MET: variants seen among roughly 807,000 people sequenced by gnomAD.
MET encodes the protein hepatocyte growth factor receptor.
MET carries 48 observed loss-of-function variants against 133.1 expected under a neutral mutation model. That is an observed-to-expected ratio of 0.36 (90% CI 0.29 to 0.46). The LOEUF is 0.46. MET is among the 20% of genes least tolerant of loss of function. The probability of loss-of-function intolerance (pLI) is 1.00; values close to 1 mark genes in which losing one functional copy is unlikely to be tolerated. For synonymous variants in MET, 628 were observed against 616.5 expected (o/e 1.02, Z -0.28); for missense variants, 1,442 against 1,695.9 (o/e 0.85, Z 2.63).
chr7:116,783,165 A>G lies in MET; in HGVS notation c.3633-139A>G, dbSNP rs191438754. ...ATTCTGTTGTAATTTAGTGTTAGTC[A>G]ATAGAGGCCAGATGAAATACTTCCT... On this transcript the variant is annotated intron_variant, in intron 18 of 20. Transcript: ENST00000397752. 1.2e-5 allele frequency: 11 copies of G among 937,578 alleles called. No individual in the cohort carries two copies. The Admixed American group carries it at 2.1e-4, about 18-fold the overall frequency. The allele number at this position is 937,578 out of a possible 1,614,324, so 58.1% of individuals were successfully genotyped here. A position where few individuals can be genotyped will look rare whatever the true frequency, so the allele number is the denominator to read the frequency against.
intron 15 of MET, among the ~76,000 whole-genome samples, chr7:116,775,546 A>C (rs1794967461): frequency 6.6e-6 from 1 of 152,112 alleles, no homozygotes; most frequent in Admixed American, 6.5e-5. Context: ...TCTACTAAAA[A>C]AATACAAAAA....
rs556702600 is a variant in MET at position 116,739,476 on chromosome 7, G to A, written c.1393-474G>A. Among the ~76,000 whole-genome samples the A allele has an allele frequency of 2.0e-5, 3 of 152,314 alleles. No homozygotes were observed. The East Asian group carries it at 5.8e-4, about 29-fold the overall frequency. On this transcript the variant is annotated intron_variant, in intron 3 of 20. Transcript: ENST00000397752. ...AAAGATCTATAAATGTGGCTTAAGA[G>A]TAGCACAGCTGGAACTAGCTCCAGT...
intron 19 of MET, among the ~76,000 whole-genome samples, chr7:116,785,985 G>A (rs1005299629): frequency 1.3e-5 from 2 of 152,238 alleles, no homozygotes; most frequent in Non-Finnish European, 2.9e-5. Flanking sequence ...TCTGCAACTT[G>A]TAAAAAATGT....
At chr7:116,763,778 A>G (rs1794503813) in intron 11 of MET, among the ~76,000 whole-genome samples, 1 of 152,232 alleles carries the variant, frequency 6.6e-6, no homozygotes, top group South Asian at 2.1e-4. Flanking sequence ...ATAGAGAATA[A>G]CAGATCATCT....
At chr7:116,791,681 T>A (rs1795501357) in intron 19 of MET, among the ~76,000 whole-genome samples, 1 of 152,222 alleles carries the variant, frequency 6.6e-6, no homozygotes, top group South Asian at 2.1e-4. Context: ...TTTTTTTCTT[T>A]TGGGACGAAG....
At position 116,734,350 on chromosome 7, in the gene MET, G is replaced by A. The variant is rs766678471; in HGVS notation, c.1392+2491G>A. ...AATTTTTTTCTCCCAAGAGTTTGCA[G>A]CTGTTTCTGTCTTTCCTATTGTGCT... On this transcript the variant is annotated intron_variant, in intron 3 of 20. Transcript: ENST00000397752. 3.3e-5 allele frequency among the ~76,000 whole-genome samples: 5 copies of A among 152,322 alleles called. 1 individual carries two copies. The highest frequency in any genetic ancestry group is 2.1e-4 in the South Asian group (1 of 4,832).
rs981664259 is a variant in MET at position 116,777,344 on chromosome 7, A to G, written c.3260-45A>G. 3.5e-6 allele frequency: 5 copies of G among 1,435,352 alleles called. No homozygotes were observed. In the East Asian group the frequency reaches 6.8e-5, roughly 20 times the overall value. The allele number at this position is 1,435,352 out of a possible 1,614,324, so 88.9% of individuals were successfully genotyped here. A position where few individuals can be genotyped will look rare whatever the true frequency, so the allele number is the denominator to read the frequency against. On this transcript the variant is annotated intron_variant, in intron 15 of 20. Transcript: ENST00000397752. ...AGGGTTTGATAAATAATTATTTCAT[A>G]ATTAAATGTTACGCAGTGCTAACCA...
At chr7:116,691,709 C>G (rs1473331187) in intron 1 of MET, among the ~76,000 whole-genome samples, 1 of 152,152 alleles carries the variant, frequency 6.6e-6, no homozygotes, top group Non-Finnish European at 1.5e-5. Flanking sequence ...AGATGGGCAT[C>G]AGACATCCCA....
intron 2 of MET, among the ~76,000 whole-genome samples, chr7:116,712,864 A>G (rs1235118376): frequency 5.3e-5 from 8 of 152,208 alleles, no homozygotes; most frequent in Non-Finnish European, 1.0e-4. Context: ...TAAAGTCATT[A>G]AAAGGAGAAA....
At chr7:116,679,189 A>G (rs185291452) in intron 1 of MET, among the ~76,000 whole-genome samples, 84 of 152,314 alleles carry the variant, frequency 5.5e-4, no homozygotes, top group African/African-American at 1.7e-3. Flanking sequence ...GTAGGTACTC[A>G]GTAAGTATTT....
At chr7:116,701,613 C>T (rs1052542229) in intron 2 of MET, among the ~76,000 whole-genome samples, 9 of 152,070 alleles carry the variant, frequency 5.9e-5, no homozygotes, top group African/African-American at 1.9e-4. Context: ...CATAAATGCA[C>T]ATACATTCCA....
At chr7:116,776,217 G>T (rs543788066) in intron 15 of MET, among the ~76,000 whole-genome samples, 1 of 152,160 alleles carries the variant, frequency 6.6e-6, no homozygotes, top group South Asian at 2.1e-4. Flanking sequence ...TGAACACAAG[G>T]CCTTCTCACT....
Position 116,699,348 on chromosome 7 carries a change from T to C in MET, c.264T>C (p.Pro88=), listed in dbSNP as rs2116584321. Residue 88 remains proline (P), a synonymous_variant, in exon 2 of 21, where the codon CCT becomes CCC. Coordinates refer to ENST00000397752, the MANE Select transcript of MET (RefSeq NM_000245.4). ...LQKVAEYKTG[P]VLEHPDCFPC... is the part of the protein sequence containing the mutation. ...AGGTTGCTGAGTACAAGACTGGGCC[T>C]GTGCTGGAACACCCAGATTGTTTCC... 6.2e-7 allele frequency: 1 copy of C among 1,614,052 alleles called. No homozygotes were observed. Among genetic ancestry groups the C allele is most frequent in the Non-Finnish European group, 8.5e-7 (1 of 1,179,950 alleles).
At chr7:116,698,722 G>A (rs898414133) in intron 1 of MET, among the ~76,000 whole-genome samples, 2 of 152,262 alleles carry the variant, frequency 1.3e-5, no homozygotes, top group East Asian at 1.9e-4. Flanking sequence ...ATTAAACCAC[G>A]TTAAACAACC....
chr7:116,746,996 A>G (rs1391079652), intron 5 of MET, among the ~76,000 whole-genome samples: 1 of 152,194 alleles, frequency 6.6e-6, no homozygotes. Context: ...CAACATTCTT[A>G]AAGAAAATAA....
At chr7:116,790,414 C>T (rs1207634832) in intron 19 of MET, among the ~76,000 whole-genome samples, 1 of 152,206 alleles carries the variant, frequency 6.6e-6, no homozygotes, top group African/African-American at 2.4e-5. Context: ...TCTCAAGCTT[C>T]ATCCATGTTC....
At chr7:116,737,747 A>G (rs1793276140) in intron 3 of MET, among the ~76,000 whole-genome samples, 1 of 111,998 alleles carries the variant, frequency 8.9e-6, no homozygotes, top group African/African-American at 2.6e-5. Context: ...GGATACACAT[A>G]TCAATCAATC....
chr7:116,699,355 G>GA lies in MET; in HGVS notation c.273dup (p.His92ThrfsTer24). The GA allele has an allele frequency of 6.2e-7, 1 of 1,614,014 alleles. No homozygotes were observed. The highest frequency in any genetic ancestry group is 8.5e-7 in the Non-Finnish European group (1 of 1,179,958). On this transcript the variant is annotated frameshift_variant, in exon 2 of 21. Transcript: ENST00000397752. LOFTEE classifies it high-confidence loss of function. ...TGAGTACAAGACTGGGCCTGTGCTGGAACACCCAGATTGTTTCCCATGTCA... is the reference window on the plus strand; with the variant it reads ...TGAGTACAAGACTGGGCCTGTGCTGGAAACACCCAGATTGTTTCCCATGTCA...
At chr7:116,718,345 G>A (rs1322968009) in intron 2 of MET, among the ~76,000 whole-genome samples, 4 of 151,966 alleles carry the variant, frequency 2.6e-5, no homozygotes, top group East Asian at 1.9e-4. Flanking sequence ...CCGAGATCAC[G>A]CCACTGCACT....
Sources: allele counts gnomAD v4.1 joint callset (sites outside exome capture counted in the v4.1 genomes callset), GRCh38; gene constraint gnomAD v4.1.1; transcripts MANE v1.5; gene names NCBI Gene and HGNC (gene_info 2026-07-23, HGNC 2026-07-21).